PSAP: variants seen among roughly 807,000 people sequenced by gnomAD.
The protein encoded by PSAP is precursor of saposins.
Under a neutral mutation model 66.0 loss-of-function variants are expected in PSAP, and 25 were observed. The ratio of observed to expected loss-of-function variants is 0.38; its 90% CI spans 0.28 to 0.53. PSAP has a LOEUF of 0.53. PSAP is among the 20% of genes least tolerant of loss of function. The probability of loss-of-function intolerance (pLI) is 0.83; values close to 1 mark genes in which losing one functional copy is unlikely to be tolerated. For missense variants in PSAP, 649 were observed against 668.8 expected (o/e 0.97, Z 0.33); for synonymous variants, 273 against 258.9 (o/e 1.05, Z -0.52).
At chr10:71,822,276 C>A in intron 7 of PSAP, 4 of 510,716 alleles carry the variant, frequency 7.8e-6, no homozygotes, top group Non-Finnish European at 1.4e-5. Context: ...AGGGCCACCA[C>A]GAGGGAGACT....
chr10:71,825,441 G>T (rs987374510), intron 7 of PSAP, among the ~76,000 whole-genome samples: 1 of 152,248 alleles, frequency 6.6e-6, no homozygotes, highest in Non-Finnish European at 1.5e-5. Flanking sequence ...GCCATGCACG[G>T]GACAAACTCC....
chr10:71,821,945 C>G lies in PSAP; in HGVS notation c.840G>C (p.Gln280His). ...FCDEVKEMPM[Q>H]TLVPAKVASK... Reference sequence around the variant, plus strand: ...AGGCCACTTTGGCGGGGACCAGAGTCTGCATGGGCATCTCTTTCACCTCAT... The same window carrying G: ...AGGCCACTTTGGCGGGGACCAGAGTGTGCATGGGCATCTCTTTCACCTCAT... The change falls in exon 8 of 14, where the codon CAG becomes CAC. Residue 280 changes from glutamine (Q) to histidine (H), a missense_variant. Gln to His is a conservative substitution (Grantham distance 24). Coordinates refer to ENST00000394936, the MANE Select transcript of PSAP (RefSeq NM_002778.4). 6.2e-7 allele frequency: 1 copy of G among 1,614,212 alleles called. No individual in the cohort carries two copies.
Position 71,828,171 on chromosome 10 carries a change from A to G in PSAP, c.577-14T>C. Reference sequence around the variant, plus strand: ...GTCCCCATTATCCTACAGAAGAGGCAGTTAGGTTTGCAACTTAAGAGGACT... The same window carrying G: ...GTCCCCATTATCCTACAGAAGAGGCGGTTAGGTTTGCAACTTAAGAGGACT... On this transcript the variant is annotated splice_polypyrimidine_tract_variant and intron_variant, in intron 5 of 13. Coordinates refer to ENST00000394936, the MANE Select transcript of PSAP (RefSeq NM_002778.4). 1 of 1,614,188 alleles carries G rather than the reference A, an allele frequency of 6.2e-7. No homozygotes were observed. Among genetic ancestry groups the G allele is most frequent in the East Asian group, 2.2e-5 (1 of 44,892 alleles).
chr10:71,828,970 C>T lies in PSAP; in HGVS notation c.483G>A (p.Glu161=). The change falls in exon 5 of 14, where the codon GAG becomes GAA. Residue 161 remains glutamate (E), a synonymous_variant. Coordinates refer to ENST00000394936, the MANE Select transcript of PSAP (RefSeq NM_002778.4). ...GGGCCACCACCTCAGTCATGTCCAGCTCTGGGATCTTATTGGACTCCAGCT... is the reference window on the plus strand; with the variant it reads ...GGGCCACCACCTCAGTCATGTCCAGTTCTGGGATCTTATTGGACTCCAGCT... ...QKQLESNKIP[E]LDMTEVVAPF... The T allele has an allele frequency of 6.2e-7, 1 of 1,614,190 alleles. No homozygotes were observed.
chr10:71,826,460 G>A (rs1323243646), intron 6 of PSAP, among the ~76,000 whole-genome samples: 1 of 152,206 alleles, frequency 6.6e-6, no homozygotes, highest in Non-Finnish European at 1.5e-5. Context: ...CTCTCAGAGA[G>A]GGTTCAACTG....
intron 7 of PSAP, chr10:71,824,040 C>T: frequency 1.8e-6 from 1 of 550,394 alleles, no homozygotes; most frequent in Non-Finnish European, 3.1e-6. Context: ...CTCTTGCAAT[C>T]AGATCTTAGC....
At chr10:71,840,730 T>C (rs1842718437) in intron 1 of PSAP, among the ~76,000 whole-genome samples, 4 of 152,208 alleles carry the variant, frequency 2.6e-5, no homozygotes, top group Admixed American at 2.6e-4. Flanking sequence ...CTGCTTCTCC[T>C]CTGCTGCTAC....
chr10:71,838,998 T>C (rs987123451), intron 1 of PSAP, among the ~76,000 whole-genome samples: 3 of 152,344 alleles, frequency 2.0e-5, no homozygotes, highest in East Asian at 3.9e-4. Flanking sequence ...TCGTGAGTTA[T>C]TTCTCAAAAC....
chr10:71,828,514 G>A lies in PSAP; in HGVS notation c.577-357C>T, dbSNP rs867051020. 3.0e-4 allele frequency among the ~76,000 whole-genome samples: 45 copies of A among 152,180 alleles called. No individual in the cohort carries two copies. The Middle Eastern group carries it at 0.01, about 35-fold the overall frequency. On this transcript the variant is annotated intron_variant, in intron 5 of 13. Coordinates refer to ENST00000394936, the MANE Select transcript of PSAP (RefSeq NM_002778.4). Reference sequence around the variant, plus strand: ...ACAAAAATTAGCCAGGTGTGGTGGTGTGCATTTGTACTCCCAGCTACTTAG... The same window carrying A: ...ACAAAAATTAGCCAGGTGTGGTGGTATGCATTTGTACTCCCAGCTACTTAG...
chr10:71,833,032 C>CAAAAAAA lies in PSAP; in HGVS notation c.175-1113_175-1112insTTTTTTT, dbSNP rs1220122223. Among the ~76,000 whole-genome samples the CAAAAAAA allele has an allele frequency of 4.2e-5, 4 of 95,362 alleles. 1 individual carries two copies. Among genetic ancestry groups the CAAAAAAA allele is most frequent in the Non-Finnish European group, 8.1e-5 (4 of 49,122 alleles). The allele number at this position is 95,362 out of a possible 152,430, so 62.6% of individuals were successfully genotyped here. ...AGTCCATCTCAAAAAAAAAAAAAAA[C>CAAAAAAA]AAAAAACAAAAACAGAAGGCCGGGC... is the stretch of plus-strand genomic sequence containing the variant. On this transcript the variant is annotated intron_variant, in intron 2 of 13. Coordinates refer to ENST00000394936, the MANE Select transcript of PSAP (RefSeq NM_002778.4).
intron 1 of PSAP, among the ~76,000 whole-genome samples, chr10:71,837,617 C>T (rs1353136307): frequency 1.3e-5 from 2 of 152,202 alleles, no homozygotes; most frequent in Non-Finnish European, 2.9e-5. Context: ...GGCCCTCAGG[C>T]CAAAGAACAA....
intron 6 of PSAP, 142 bp from the exon 7 acceptor site, chr10:71,826,035 G>A (rs1842394670): frequency 9.7e-6 from 7 of 721,578 alleles, no homozygotes; most frequent in Non-Finnish European, 1.7e-5. Flanking sequence ...ATGAATGTCT[G>A]CTCTGGGCCA....
intron 7 of PSAP, among the ~76,000 whole-genome samples, chr10:71,825,228 C>T (rs751192068): frequency 6.6e-5 from 10 of 152,214 alleles, no homozygotes; most frequent in Non-Finnish European, 1.5e-4. Flanking sequence ...GTGCCCCCCA[C>T]CCACTCAGCC....
At position 71,824,332 on chromosome 10, in the gene PSAP, G is replaced by C. The variant is rs539321288; in HGVS notation, c.777+1505C>G. 3.3e-5 allele frequency among the ~76,000 whole-genome samples: 5 copies of C among 152,320 alleles called. 1 individual carries two copies. In the South Asian group the frequency reaches 8.3e-4, roughly 25 times the overall value. On this transcript the variant is annotated intron_variant, in intron 7 of 13. Transcript: ENST00000394936. ...AAGACACAGGGCTGCCCAAGTAAGG[G>C]GGGTAAGGGATCCCTGAGGGGTAAG...
At chr10:71,842,012 A>G (rs2133063245) in intron 1 of PSAP, among the ~76,000 whole-genome samples, 1 of 152,176 alleles carries the variant, frequency 6.6e-6, no homozygotes, top group African/African-American at 2.4e-5. Flanking sequence ...TCTTAAAAAA[A>G]AAAAAAAAGC....
rs3747855 is a variant in PSAP at position 71,834,156 on chromosome 10, A to G, written c.174+216T>C. Among the ~76,000 whole-genome samples the G allele has an allele frequency of 0.41, 62,100 of 152,086 alleles. 14,357 individuals carry two copies. The highest frequency in any genetic ancestry group is 0.53 in the Non-Finnish European group (35,825 of 67,944). ...CTGCCACAAGAAACCAGGTAGCCTC[A>G]GGAGAGTGAAACCTTAACCTCTCTG... On this transcript the variant is annotated intron_variant, in intron 2 of 13. Transcript: ENST00000394936.
At chr10:71,844,260 A>C (rs1842780081) in intron 1 of PSAP, among the ~76,000 whole-genome samples, 1 of 152,382 alleles carries the variant, frequency 6.6e-6, no homozygotes, top group South Asian at 2.1e-4. Context: ...TCTTAGACAT[A>C]TGCCCTAGAT....
chr10:71,844,425 G>C (rs919970087), intron 1 of PSAP, among the ~76,000 whole-genome samples: 6 of 152,218 alleles, frequency 3.9e-5, no homozygotes, highest in Non-Finnish European at 8.8e-5. Context: ...CAGCACTTTG[G>C]GGGGCTGAGG....
At chr10:71,826,505 T>G (rs1842401174) in intron 6 of PSAP, among the ~76,000 whole-genome samples, 1 of 152,176 alleles carries the variant, frequency 6.6e-6, no homozygotes, top group Admixed American at 6.5e-5. Flanking sequence ...GCAAAGACAC[T>G]TAAAATGAGG....
Sources: allele counts gnomAD v4.1 joint callset (sites outside exome capture counted in the v4.1 genomes callset), GRCh38; gene constraint gnomAD v4.1.1; transcripts MANE v1.5; gene names NCBI Gene and HGNC (gene_info 2026-07-23, HGNC 2026-07-21).